Variants in NSUN7 observed in about 807,000 individuals in gnomAD.
NSUN7 encodes the protein protein NSUN7.
A neutral mutation model predicts 58.5 loss-of-function variants in NSUN7; 39 were observed. The ratio of observed to expected loss-of-function variants is 0.67; its 90% confidence interval spans 0.52 to 0.87. The LOEUF (loss-of-function observed/expected upper bound fraction) is 0.87. Among genes scored for constraint, NSUN7 ranks in the 40% least tolerant of loss-of-function variants. The pLI, the probability that NSUN7 is intolerant of heterozygous loss-of-function variation, is 0.00. For synonymous variants in NSUN7, 278 were observed against 303.7 expected (o/e 0.92, Z 0.88); for missense variants, 765 against 844.1 (o/e 0.91, Z 1.16).
At chr4:40,755,471 G>A (rs1289369000) in intron 2 of NSUN7, among the ~76,000 whole-genome samples, 3 of 152,056 alleles carry the variant, frequency 2.0e-5, no homozygotes, top group African/African-American at 7.2e-5. Flanking sequence ...ATTGGAGAAA[G>A]AGATATCCCT....
At chr4:40,755,084 G>T (rs910233848) in intron 2 of NSUN7, among the ~76,000 whole-genome samples, 2 of 152,126 alleles carry the variant, frequency 1.3e-5, no homozygotes, top group African/African-American at 2.4e-5. Context: ...TAGAGTACCA[G>T]TAGCCAATTA....
chr4:40,762,747 A>C (rs1741519299), intron 4 of NSUN7: 1 of 152,236 alleles, frequency 6.6e-6, no homozygotes. Flanking sequence ...CCTGAGTTCT[A>C]CCTTCTGTCA....
chr4:40,795,131 TG>T (rs1361747930), intron 9 of NSUN7, among the ~76,000 whole-genome samples: 2 of 152,166 alleles, frequency 1.3e-5, no homozygotes, highest in African/African-American at 4.8e-5. Flanking sequence ...GTATGTAAGG[TG>T]TATCAGTGTT....
At chr4:40,789,811 G>A (rs746162290) in intron 7 of NSUN7, among the ~76,000 whole-genome samples, 5 of 152,106 alleles carry the variant, frequency 3.3e-5, no homozygotes, top group Non-Finnish European at 7.4e-5. Context: ...AAAAATTGGT[G>A]AGGCAAGAGA....
intron 4 of NSUN7, among the ~76,000 whole-genome samples, chr4:40,765,872 G>A (rs1741700064): frequency 6.6e-6 from 1 of 152,000 alleles, no homozygotes; most frequent in African/African-American, 2.4e-5. Context: ...TCATGATTTG[G>A]CTCTCTGTTT....
At chr4:40,764,048 G>T (rs1741587604) in intron 4 of NSUN7, among the ~76,000 whole-genome samples, 1 of 151,160 alleles carries the variant, frequency 6.6e-6, no homozygotes, top group Non-Finnish European at 1.5e-5. Flanking sequence ...AGTCTTCTTT[G>T]TTTTTTTTAA....
intron 4 of NSUN7, among the ~76,000 whole-genome samples, chr4:40,765,555 G>A (rs1414152919): frequency 9.2e-5 from 14 of 151,814 alleles, no homozygotes; most frequent in Non-Finnish European, 1.5e-5. Context: ...GATTGACTTG[G>A]CGATGTGGGC....
chr4:40,758,305 T>C (rs1414888799), intron 2 of NSUN7, among the ~76,000 whole-genome samples: 6 of 152,140 alleles, frequency 3.9e-5, no homozygotes, highest in African/African-American at 9.7e-5. Context: ...AATACTGTAC[T>C]TGTTGTGAAA....
chr4:40,790,699 A>G lies in NSUN7; in HGVS notation c.1134A>G (p.Gly378=). Residue 378 remains glycine (G), a synonymous_variant, in exon 8 of 12, where the codon GGA becomes GGG. Coordinates refer to ENST00000381782, the MANE Select transcript of NSUN7 (RefSeq NM_024677.6). ...KVILLLPRCS[G]LGVSNPVEFI... The stretch of plus-strand genomic sequence containing the variant: ...TTTTGCTGCTACCTCGTTGTTCAGG[A>G]CTGGGTGTTAGTAATCCAGTAGAAT... 2 of 1,601,094 alleles carry G rather than the reference A, an allele frequency of 1.2e-6. No homozygotes were observed. The highest frequency in any genetic ancestry group is 8.5e-7 in the Non-Finnish European group (1 of 1,174,552).
intron 2 of NSUN7, among the ~76,000 whole-genome samples, chr4:40,756,337 A>G (rs1741142211): frequency 6.6e-6 from 1 of 152,206 alleles, no homozygotes; most frequent in Non-Finnish European, 1.5e-5. Flanking sequence ...TCTCTAGGAT[A>G]AGGCCCTCCA....
At position 40,810,293 on chromosome 4, in the gene NSUN7, G is replaced by A. The variant is rs1744156609; in HGVS notation, c.*1354G>A. The A allele has an allele frequency of 6.6e-6, 1 of 151,920 alleles. No homozygotes were observed. Among genetic ancestry groups the A allele is most frequent in the African/African-American group, 2.4e-5 (1 of 41,364 alleles). The allele number at this position is 151,920 out of a possible 1,614,324, so 9.4% of individuals were successfully genotyped here. ...ATCAGTAAAACGTGTCAGTGGGCTG[G>A]GTGCAGTGGCTCACATCTGTAATCT... On this transcript the variant is annotated 3_prime_UTR_variant, in exon 12 of 12. Coordinates refer to ENST00000381782, the MANE Select transcript of NSUN7 (RefSeq NM_024677.6).
In NSUN7 at chr4:40,750,629, C is replaced by A; in HGVS notation, c.-65C>A. 1 of 1,557,034 alleles carries A rather than the reference C, an allele frequency of 6.4e-7. No individual in the cohort carries two copies. The highest frequency in any genetic ancestry group is 1.2e-5 in the South Asian group (1 of 84,338). ...GACCATGCTGCAGATGCGAGGAAAG[C>A]CGTTTCCTGGAACATCGGAATTCTA... is the stretch of plus-strand genomic sequence containing the variant. On this transcript the variant is annotated 5_prime_UTR_variant, in exon 2 of 12. Coordinates refer to ENST00000381782, the MANE Select transcript of NSUN7 (RefSeq NM_024677.6).
chr4:40,782,173 T>TA (rs564158732), intron 7 of NSUN7, among the ~76,000 whole-genome samples: 120 of 152,264 alleles, frequency 7.9e-4, no homozygotes, highest in African/African-American at 2.3e-3. Flanking sequence ...ATGAATAATC[T>TA]AAAAAATGAA....
rs566202426 is a variant in NSUN7 at position 40,752,830 on chromosome 4, G to GT, written c.298+1845dup. On this transcript the variant is annotated intron_variant, in intron 2 of 11. Coordinates refer to ENST00000381782, the MANE Select transcript of NSUN7 (RefSeq NM_024677.6). ...TTGGTTGTCTGCAGAGAGTCTCTTT[G>GT]TTTTTTGTTTCTTTGTTTTCTCCTC... 1.8e-3 allele frequency among the ~76,000 whole-genome samples: 14 copies of GT among 7,624 alleles called. No homozygotes were observed. In the South Asian group the frequency reaches 0.021, roughly 11 times the overall value. 5.0% of individuals were successfully genotyped at this position (7,624 alleles called of 152,430 possible). A position where few individuals can be genotyped will look rare whatever the true frequency, so the allele number is the denominator to read the frequency against.
intron 4 of NSUN7, among the ~76,000 whole-genome samples, chr4:40,769,146 C>T (rs1577554268): frequency 6.6e-6 from 1 of 152,204 alleles, no homozygotes; most frequent in Admixed American, 6.5e-5. Context: ...TCCATTTCCA[C>T]TACTACCATC....
At chr4:40,762,902 G>T (rs1741527148) in intron 4 of NSUN7, among the ~76,000 whole-genome samples, 1 of 152,174 alleles carries the variant, frequency 6.6e-6, no homozygotes, top group African/African-American at 2.4e-5. Flanking sequence ...AATGCTTGAT[G>T]ATCCTTATGA....
chr4:40,762,914 A>C (rs1741528097), intron 4 of NSUN7, among the ~76,000 whole-genome samples: 1 of 152,132 alleles, frequency 6.6e-6, no homozygotes. Flanking sequence ...TCCTTATGAG[A>C]TCATCTAATG....
chr4:40,753,023 T>C (rs940816850), intron 2 of NSUN7, among the ~76,000 whole-genome samples: 12 of 152,290 alleles, frequency 7.9e-5, no homozygotes, highest in Non-Finnish European at 1.8e-4. Flanking sequence ...AACAGTGAAA[T>C]GCAGACTGGG....
intron 11 of NSUN7, 119 bp downstream of exon 11, chr4:40,807,303 C>A: frequency 7.0e-6 from 6 of 862,162 alleles, no homozygotes; most frequent in Non-Finnish European, 1.0e-5. Flanking sequence ...TTCACAAACA[C>A]ATTTCAGCTG....
Sources: gnomAD v4.1 joint callset for allele counts (sites outside exome capture counted in the v4.1 genomes callset) on GRCh38, gnomAD v4.1.1 for gene constraint, MANE v1.5 for transcripts, NCBI Gene and HGNC (gene_info 2026-07-23, HGNC 2026-07-21) for gene names.